The following TMEM232 variants were observed in gnomAD, a reference collection of about 807,000 sequenced individuals.
TMEM232 encodes transmembrane protein 232.
TMEM232 carries 80 observed loss-of-function variants against 78.8 expected under a neutral mutation model. The ratio of observed to expected loss-of-function variants is 1.01; its 90% CI spans 0.85 to 1.22. The LOEUF (loss-of-function observed/expected upper bound fraction) is 1.22. TMEM232 is among the 50% of genes most tolerant of loss of function. TMEM232 has a pLI of 0.00. For missense variants in TMEM232, 881 were observed against 742.2 expected (o/e 1.19, Z -2.17); for synonymous variants, 297 against 254.3 (o/e 1.17, Z -1.60).
intron 2 of TMEM232, among the ~76,000 whole-genome samples, chr5:110,665,773 AG>A (rs1419062991): frequency 4.6e-5 from 7 of 151,654 alleles, no homozygotes; most frequent in African/African-American, 1.5e-4. Flanking sequence ...TTTAAAACTG[AG>A]CCAGGCACAG....
intron 3 of TMEM232, among the ~76,000 whole-genome samples, chr5:110,391,332 A>AGAGAGAGAGAGAGAGAGG (rs1755186040): frequency 7.3e-6 from 1 of 137,918 alleles, no homozygotes; most frequent in African/African-American, 3.0e-5. Flanking sequence ...TGTGTGAGAG[A>AGAGAGAGAGAGAGAGAGG]GAGAGAGAGA....
At chr5:110,405,844 T>C (rs985840334) in intron 2 of TMEM232, among the ~76,000 whole-genome samples, 3 of 150,152 alleles carry the variant, frequency 2.0e-5, no homozygotes, top group African/African-American at 7.3e-5. Context: ...AAAGAAAAAA[T>C]AGAACATATT....
intron 1 of TMEM232, among the ~76,000 whole-genome samples, chr5:110,723,260 A>T (rs977205822): frequency 1.3e-5 from 2 of 152,144 alleles, no homozygotes; most frequent in Non-Finnish European, 2.9e-5. Flanking sequence ...TTTTTAATTG[A>T]AATTCCTTTA....
chr5:110,605,455 A>C, intron 9 of TMEM232, 97 bp from the exon 10 acceptor site: 1 of 1,338,612 alleles, frequency 7.5e-7, no homozygotes, highest in Non-Finnish European at 1.0e-6. Context: ...GACCATAATA[A>C]ACTAATATAT....
At chr5:110,735,094 A>G (rs949547968) in intron 1 of TMEM232, 1 of 152,244 alleles carries the variant, frequency 6.6e-6, no homozygotes, top group African/African-American at 2.4e-5. Context: ...TAGGTGCTTA[A>G]TATATGTTGC....
chr5:110,504,420 T>C (rs1766632883), intron 12 of TMEM232, among the ~76,000 whole-genome samples: 1 of 152,202 alleles, frequency 6.6e-6, no homozygotes, highest in South Asian at 2.1e-4. Context: ...ATTGCCTTTA[T>C]TATTCAGAAT....
chr5:110,639,758 C>A (rs1465246318), intron 4 of TMEM232, among the ~76,000 whole-genome samples: 1 of 152,228 alleles, frequency 6.6e-6, no homozygotes, highest in Non-Finnish European at 1.5e-5. Context: ...CAGTCCCCAA[C>A]CTTTTTGGCA....
At position 110,419,661 on chromosome 5, in the gene TMEM232, T is replaced by C. The variant is rs2112600532; in HGVS notation, c.*919A>G. ...CTTAGCCGGCTTCACTAATTTATGT[T>C]ACCTTTCTGACCTGGTAGTCATTTG... On this transcript the variant is annotated 3_prime_UTR_variant, in exon 14 of 14. Transcript: ENST00000455884. 6.6e-6 allele frequency among the ~76,000 whole-genome samples: 1 copy of C among 152,254 alleles called. No homozygotes were observed. Among genetic ancestry groups the C allele is most frequent in the African/African-American group, 2.4e-5 (1 of 41,586 alleles).
intron 1 of TMEM232, among the ~76,000 whole-genome samples, chr5:110,687,720 C>A (rs979030885): frequency 3.9e-5 from 6 of 152,080 alleles, no homozygotes; most frequent in East Asian, 1.9e-4. Context: ...CCCTCTCTCT[C>A]TATACATGTG....
At chr5:110,438,682 T>C (rs978468608) in intron 12 of TMEM232, among the ~76,000 whole-genome samples, 2 of 152,196 alleles carry the variant, frequency 1.3e-5, no homozygotes, top group African/African-American at 4.8e-5. Context: ...GGACCAGAAC[T>C]ATTCCAAGGC....
At chr5:110,704,706 T>C (rs1795755728) in intron 1 of TMEM232, among the ~76,000 whole-genome samples, 1 of 152,090 alleles carries the variant, frequency 6.6e-6, no homozygotes, top group Admixed American at 6.6e-5. Flanking sequence ...TACAGCATCT[T>C]CTTTTTAGGA....
rs375671209 is a variant in TMEM232, at chr5:110,615,180, C to A, written c.902+3249G>T. Among the ~76,000 whole-genome samples the A allele has an allele frequency of 7.9e-5, 12 of 151,926 alleles. No homozygotes were observed. In the East Asian group the frequency reaches 1.5e-3, roughly 20 times the overall value. ...ACTTAATCTGGAATCCCACAAACTTCCAAATACAAGTTAGAAAATAACTTT... is the reference window on the plus strand; with the variant it reads ...ACTTAATCTGGAATCCCACAAACTTACAAATACAAGTTAGAAAATAACTTT... On this transcript the variant is annotated intron_variant, in intron 8 of 13. Transcript: ENST00000455884.
At chr5:110,566,058 TA>T (rs1376979096) in intron 11 of TMEM232, among the ~76,000 whole-genome samples, 1 of 151,932 alleles carries the variant, frequency 6.6e-6, no homozygotes, top group African/African-American at 2.4e-5. Flanking sequence ...TTGTGATTAA[TA>T]AAAGTTTCCC....
At chr5:110,560,096 T>C (rs1458028791) in intron 11 of TMEM232, among the ~76,000 whole-genome samples, 2 of 152,194 alleles carry the variant, frequency 1.3e-5, no homozygotes, top group South Asian at 4.1e-4. Context: ...ATAGTAGGAT[T>C]AGGACTATAA....
chr5:110,716,352 T>C (rs1031101240), intron 1 of TMEM232, among the ~76,000 whole-genome samples: 5 of 152,130 alleles, frequency 3.3e-5, no homozygotes, highest in Non-Finnish European at 7.3e-5. Context: ...TTTCTATTAT[T>C]GTTACATTGT....
At chr5:110,417,029 G>A (rs1450909606), downstream of TMEM232, among the ~76,000 whole-genome samples, 3 of 152,074 alleles carry the variant, frequency 2.0e-5, no homozygotes, top group Non-Finnish European at 4.4e-5. Context: ...AGTTTTATGA[G>A]TATTCTCAAT....
At chr5:110,627,395 G>T (rs1450943663) in intron 6 of TMEM232, among the ~76,000 whole-genome samples, 1 of 152,072 alleles carries the variant, frequency 6.6e-6, no homozygotes, top group African/African-American at 2.4e-5. Flanking sequence ...ATCTGGAACA[G>T]GGAGTAGGTC....
chr5:110,634,588 T>C (rs1785556388), intron 5 of TMEM232, among the ~76,000 whole-genome samples: 1 of 151,940 alleles, frequency 6.6e-6, no homozygotes. Flanking sequence ...AACATGTTTC[T>C]GAACAACCAC....
At chr5:110,408,728 TA>T (rs1381625698) in intron 2 of TMEM232, among the ~76,000 whole-genome samples, 2 of 151,468 alleles carry the variant, frequency 1.3e-5, no homozygotes, top group African/African-American at 4.8e-5. Flanking sequence ...ACATCAGGAG[TA>T]AAAAAGGAGA....
Sources: gnomAD v4.1 joint callset for allele counts (sites outside exome capture counted in the v4.1 genomes callset) on GRCh38, gnomAD v4.1.1 for gene constraint, MANE v1.5 for transcripts, NCBI Gene and HGNC (gene_info 2026-07-23, HGNC 2026-07-21) for gene names.